Variants in ATF7 observed in about 807,000 individuals in gnomAD.
The protein encoded by ATF7 is activating transcription factor 7, also known as cyclic AMP-dependent transcription factor ATF-7.
ATF7 carries 10 observed loss-of-function variants against 50.4 expected under a neutral mutation model. That is an observed-to-expected ratio of 0.20 (90% CI 0.12 to 0.34). The LOEUF is 0.34. Ranked by LOEUF, ATF7 falls within the 10% of genes least tolerant of loss-of-function variation. ATF7 has a pLI of 1.00. For missense variants in ATF7, 465 were observed against 613.9 expected, an observed-to-expected ratio of 0.76 and a Z score of 2.56; for synonymous variants, 201 against 226.4, an observed-to-expected ratio of 0.89 and a Z score of 1.01.
intron 2 of ATF7, among the ~76,000 whole-genome samples, chr12:53,566,260 T>C (rs1479644608): frequency 6.6e-6 from 1 of 152,166 alleles, no homozygotes; most frequent in Non-Finnish European, 1.5e-5. Context: ...ATGCCTTGTA[T>C]AACTGGATTG....
chr12:53,562,445 G>A (rs1355776425), intron 2 of ATF7, among the ~76,000 whole-genome samples: 1 of 152,058 alleles, frequency 6.6e-6, no homozygotes, highest in Non-Finnish European at 1.5e-5. Flanking sequence ...TTCAAGACCA[G>A]CCTGGCCAAC....
chr12:53,523,428 C>T (rs764844877), intron 10 of ATF7, 44 bp from the exon 11 acceptor site: 3 of 1,401,496 alleles, frequency 2.1e-6, no homozygotes, highest in Middle Eastern at 1.9e-4. Flanking sequence ...AATTCATCCT[C>T]TACTCTTGCA....
At chr12:53,601,489 G>A (rs1288466447) in intron 1 of ATF7, among the ~76,000 whole-genome samples, 2 of 152,126 alleles carry the variant, frequency 1.3e-5, no homozygotes, top group Non-Finnish European at 2.9e-5. Context: ...TATAAACTAC[G>A]AGACTGTTGG....
chr12:53,523,662 T>C (rs1938255134), intron 10 of ATF7, among the ~76,000 whole-genome samples: 2 of 152,334 alleles, frequency 1.3e-5, no homozygotes, highest in South Asian at 4.1e-4. Flanking sequence ...ATACACATGC[T>C]CTTTGACTAA....
At chr12:53,535,912 G>T (rs577066576) in intron 5 of ATF7, among the ~76,000 whole-genome samples, 16 of 152,214 alleles carry the variant, frequency 1.1e-4, no homozygotes, top group African/African-American at 3.9e-4. Flanking sequence ...CAGCACTTTG[G>T]GAGGCTGAAG....
intron 3 of ATF7, among the ~76,000 whole-genome samples, chr12:53,549,812 C>A (rs924449986): frequency 6.6e-6 from 1 of 151,992 alleles, no homozygotes; most frequent in Non-Finnish European, 1.5e-5. Context: ...TCTCGAACTC[C>A]TGATCTTGTG....
intron 3 of ATF7, among the ~76,000 whole-genome samples, chr12:53,550,600 C>G (rs1940293266): frequency 1.3e-5 from 2 of 151,986 alleles, no homozygotes; most frequent in South Asian, 4.2e-4. Context: ...TAAAACAACT[C>G]AAGATTTTGA....
At chr12:53,610,070 G>T (rs1208716594) in intron 1 of ATF7, among the ~76,000 whole-genome samples, 1 of 151,964 alleles carries the variant, frequency 6.6e-6, no homozygotes, top group African/African-American at 2.4e-5. Context: ...GCCCGCCTCG[G>T]CCTCCCAAAG....
chr12:53,598,837 T>C (rs750698864), intron 2 of ATF7, among the ~76,000 whole-genome samples: 1 of 152,142 alleles, frequency 6.6e-6, no homozygotes, highest in Admixed American at 6.5e-5. Flanking sequence ...GCATATAACA[T>C]ATATGAGGAG....
intron 11 of ATF7, among the ~76,000 whole-genome samples, chr12:53,519,939 G>A (rs964249156): frequency 6.6e-6 from 1 of 151,918 alleles, no homozygotes; most frequent in Non-Finnish European, 1.5e-5. Flanking sequence ...GTAGAGATGG[G>A]GTTTCACCGT....
In ATF7 at chr12:53,524,529, T is replaced by C; in HGVS notation, c.1125+35A>G. On this transcript the variant is annotated intron_variant, in intron 10 of 11. Coordinates refer to ENST00000420353, the MANE Select transcript of ATF7 (RefSeq NM_006856.3). The surrounding 1 kb of genome is among the most constrained non-coding windows in gnomAD (Gnocchi z 4.6). ...TGATTCCATCCCACTTTCTGGATTTTCAACAATTCCAATAAGCATCCAGGA... is the reference window on the plus strand; with the variant it reads ...TGATTCCATCCCACTTTCTGGATTTCCAACAATTCCAATAAGCATCCAGGA... The C allele has an allele frequency of 6.2e-7, 1 of 1,607,802 alleles. No homozygotes were observed. Among genetic ancestry groups the C allele is most frequent in the Non-Finnish European group, 8.5e-7 (1 of 1,177,838 alleles).
intron 7 of ATF7, 91 bp from the exon 8 acceptor site, chr12:53,532,714 A>T (rs1938981117): frequency 1.1e-6 from 1 of 929,030 alleles, no homozygotes; most frequent in Non-Finnish European, 1.6e-6. Context: ...CGCTTTTGAG[A>T]TTGGCACATC....
intron 9 of ATF7, among the ~76,000 whole-genome samples, chr12:53,529,656 C>T (rs1312618644): frequency 6.2e-5 from 9 of 145,564 alleles, no homozygotes; most frequent in African/African-American, 2.0e-4. Context: ...TATATATATA[C>T]ACACACACAT....
chr12:53,509,094 G>A (rs1944079062), downstream of ATF7, among the ~76,000 whole-genome samples: 1 of 152,162 alleles, frequency 6.6e-6, no homozygotes, highest in Non-Finnish European at 1.5e-5. Context: ...AGCTTGTGCT[G>A]AGGAAGAGCC....
chr12:53,540,328 G>A (rs1172354362), intron 4 of ATF7, among the ~76,000 whole-genome samples: 3 of 150,226 alleles, frequency 2.0e-5, no homozygotes, highest in Non-Finnish European at 4.4e-5. Flanking sequence ...CACTCCACCT[G>A]GATGACAGAG....
chr12:53,621,688 C>A (rs2137948850), intron 1 of ATF7, among the ~76,000 whole-genome samples: 1 of 148,986 alleles, frequency 6.7e-6, no homozygotes, highest in East Asian at 2.0e-4. Flanking sequence ...ACTCTGGTGG[C>A]TGAGGCAGGA....
At chr12:53,545,823 G>T (rs1264013806) in intron 3 of ATF7, among the ~76,000 whole-genome samples, 1 of 152,122 alleles carries the variant, frequency 6.6e-6, no homozygotes, top group East Asian at 1.9e-4. Flanking sequence ...GGAAGGCCAA[G>T]GCAGGCGGAT....
rs1187023918 is a variant in ATF7 at position 53,587,671 on chromosome 12, C to CA, written c.48+13281dup. Among the ~76,000 whole-genome samples, 229 of 118,980 alleles carry CA rather than the reference C, an allele frequency of 1.9e-3. 2 individuals are homozygous for CA. Among genetic ancestry groups the CA allele is most frequent in the Admixed American group, 2.4e-3 (27 of 11,422 alleles). 78.1% of individuals were successfully genotyped at this position (118,980 alleles called of 152,430 possible). ...ACTCCAGCCTGAGTGATAGAGCGAT[C>CA]AAAAAAAAAAAAAGGAAAATGGGAA... On this transcript the variant is annotated intron_variant, in intron 2 of 11. Transcript: ENST00000420353.
At chr12:53,593,353 C>T (rs1044984610) in intron 2 of ATF7, among the ~76,000 whole-genome samples, 1 of 152,058 alleles carries the variant, frequency 6.6e-6, no homozygotes, top group African/African-American at 2.4e-5. Flanking sequence ...ATGATTGCAC[C>T]ACTGTACTCC....
Sources: gnomAD v4.1 joint callset for allele counts (sites outside exome capture counted in the v4.1 genomes callset) on GRCh38, gnomAD v4.1.1 for gene constraint, Gnocchi (gnomAD v3.1) non-coding constraint, MANE v1.5 for transcripts, NCBI Gene and HGNC (gene_info 2026-07-23, HGNC 2026-07-21) for gene names.